SLIT2: variants seen among roughly 807,000 people sequenced by gnomAD.
SLIT2 encodes the protein slit homolog 2 protein.
In SLIT2, 41 loss-of-function variants were observed where a neutral mutation model predicts 185.7. That is an observed-to-expected ratio of 0.22 (90% confidence interval 0.17 to 0.29). The LOEUF (loss-of-function observed/expected upper bound fraction) is 0.29, where lower values mean the gene tolerates loss of function less well. Ranked by LOEUF, SLIT2 falls within the 10% of genes least tolerant of loss-of-function variation. The pLI, the probability that SLIT2 is intolerant of heterozygous loss-of-function variation, is 1.00. For synonymous variants in SLIT2, 693 were observed against 680.2 expected (o/e 1.02, Z -0.29); for missense variants, 1,571 against 1,909.0 (o/e 0.82, Z 3.30).
intron 15 of SLIT2, among the ~76,000 whole-genome samples, chr4:20,526,657 T>G (rs1721322862): frequency 6.6e-6 from 1 of 152,214 alleles, no homozygotes; most frequent in Non-Finnish European, 1.5e-5. Context: ...AGTTTTTCCC[T>G]GTTACTGACA....
intron 4 of SLIT2, among the ~76,000 whole-genome samples, chr4:20,331,323 T>C (rs1399246764): frequency 6.6e-6 from 1 of 152,110 alleles, no homozygotes; most frequent in Non-Finnish European, 1.5e-5. Flanking sequence ...CAATTATTGC[T>C]ATGAAGTGAT....
intron 25 of SLIT2, chr4:20,552,366 T>C (rs1413228296): frequency 7.3e-5 from 4 of 55,112 alleles, no homozygotes; most frequent in African/African-American, 3.9e-4. Flanking sequence ...TTGCATTTCT[T>C]TTTTTTTTTT....
intron 4 of SLIT2, among the ~76,000 whole-genome samples, chr4:20,457,111 A>G (rs1483888317): frequency 1.3e-5 from 2 of 152,106 alleles, no homozygotes; most frequent in African/African-American, 4.8e-5. Context: ...TGTAATGTCC[A>G]TAAGTATAAT....
chr4:20,617,173 A>G lies in SLIT2; in HGVS notation c.4111A>G (p.Thr1371Ala), dbSNP rs1237227591. ...GWMGPLCDQR[T>A]NDPCLGNKCV... ...GATGGGGCCCCTCTGTGACCAACGG[A>G]CCAATGACCCTTGCCTTGGAAATAA... Residue 1371 changes from threonine (T) to alanine (A), a missense_variant, in exon 35 of 37, where the codon ACC (threonine) becomes GCC (alanine). Physicochemically the swap from Thr to Ala is moderately conservative, Grantham distance 58 (BLOSUM62 0). Transcript: ENST00000504154. 6.3e-7 allele frequency: 1 copy of G among 1,594,924 alleles called. No individual in the cohort carries two copies. The highest frequency in any genetic ancestry group is 8.6e-7 in the Non-Finnish European group (1 of 1,166,386).
At chr4:20,524,800 G>A (rs1298554711) in intron 14 of SLIT2, among the ~76,000 whole-genome samples, 1 of 151,288 alleles carries the variant, frequency 6.6e-6, no homozygotes, top group Non-Finnish European at 1.5e-5. Flanking sequence ...TAAATGAAAG[G>A]CTGCCATCAT....
intron 4 of SLIT2, among the ~76,000 whole-genome samples, chr4:20,430,354 G>A (rs1401483316): frequency 6.6e-6 from 1 of 152,094 alleles, no homozygotes; most frequent in Non-Finnish European, 1.5e-5. Context: ...AGATGCTGCT[G>A]GGACATTTAC....
chr4:20,280,833 G>GTTGTTTTTTTT (rs756763339), intron 4 of SLIT2, among the ~76,000 whole-genome samples: 35 of 130,632 alleles, frequency 2.7e-4, no homozygotes, highest in African/African-American at 9.7e-4. Context: ...TTAAAAAAAT[G>GTTGTTTTTTTT]TTTTTTTTTT....
intron 4 of SLIT2, among the ~76,000 whole-genome samples, chr4:20,292,078 G>A (rs1322121334): frequency 6.6e-6 from 1 of 152,122 alleles, no homozygotes; most frequent in Non-Finnish European, 1.5e-5. Flanking sequence ...CCATTTTAGG[G>A]AAAGCAGATA....
intron 33 of SLIT2, among the ~76,000 whole-genome samples, chr4:20,605,591 A>G (rs1434712436): frequency 6.6e-6 from 1 of 152,202 alleles, no homozygotes; most frequent in Non-Finnish European, 1.5e-5. Context: ...GATGCCATGC[A>G]TTACATGTGG....
At chr4:20,512,875 C>G (rs1719880861) in intron 11 of SLIT2, among the ~76,000 whole-genome samples, 1 of 152,064 alleles carries the variant, frequency 6.6e-6, no homozygotes, top group Non-Finnish European at 1.5e-5. Context: ...ATTGACACTT[C>G]TGTGGTTGTG....
chr4:20,421,811 T>C (rs569661473), intron 4 of SLIT2, among the ~76,000 whole-genome samples: 1 of 152,312 alleles, frequency 6.6e-6, no homozygotes, highest in South Asian at 2.1e-4. Context: ...CGGAATGTTT[T>C]CTTTGCCTCC....
chr4:20,409,585 C>T (rs1727043400), intron 4 of SLIT2, among the ~76,000 whole-genome samples: 1 of 152,014 alleles, frequency 6.6e-6, no homozygotes, highest in East Asian at 1.9e-4. Flanking sequence ...GACTATATAC[C>T]CAGTCATGGG....
At chr4:20,391,372 G>A (rs1725399048) in intron 4 of SLIT2, among the ~76,000 whole-genome samples, 1 of 151,900 alleles carries the variant, frequency 6.6e-6, no homozygotes, top group African/African-American at 2.4e-5. Flanking sequence ...AAATACACAC[G>A]AACAGAAACC....
chr4:20,538,308 T>C lies in SLIT2; in HGVS notation c.1833-1133T>C, dbSNP rs191198183. On this transcript the variant is annotated intron_variant, in intron 18 of 36. Coordinates refer to ENST00000504154, the MANE Select transcript of SLIT2 (RefSeq NM_004787.4). ...CCAGGGGCATGTGACTCCAGCAAGATTAAGACCCAGTGCTCTTCATCATTT... is the reference window on the plus strand; with the variant it reads ...CCAGGGGCATGTGACTCCAGCAAGACTAAGACCCAGTGCTCTTCATCATTT... 1.3e-3 allele frequency among the ~76,000 whole-genome samples: 205 copies of C among 152,294 alleles called. 2 individuals are homozygous for C. Among genetic ancestry groups the C allele is most frequent in the African/African-American group, 4.6e-3 (193 of 41,566 alleles).
At chr4:20,527,347 A>G (rs147805227) in intron 15 of SLIT2, among the ~76,000 whole-genome samples, 2,021 of 151,738 alleles carry the variant, frequency 0.013, 45 homozygotes, top group African/African-American at 0.046. Flanking sequence ...GTGCAGTGGC[A>G]TGATCTCGGC....
At chr4:20,571,977 A>G (rs1725648496) in intron 29 of SLIT2, among the ~76,000 whole-genome samples, 4 of 152,230 alleles carry the variant, frequency 2.6e-5, no homozygotes, top group Admixed American at 2.6e-4. Context: ...TTATGATGTG[A>G]TGAACAGACT....
At chr4:20,457,048 A>G (rs1016004102) in intron 4 of SLIT2, among the ~76,000 whole-genome samples, 3 of 152,126 alleles carry the variant, frequency 2.0e-5, no homozygotes, top group Admixed American at 1.3e-4. Flanking sequence ...TTCATATAAT[A>G]TTCCCTAAGA....
chr4:20,408,881 T>C (rs1726978145), intron 4 of SLIT2, among the ~76,000 whole-genome samples: 1 of 152,178 alleles, frequency 6.6e-6, no homozygotes, highest in Non-Finnish European at 1.5e-5. Flanking sequence ...TCCTAGACAA[T>C]ATGTAAATGG....
Position 20,425,843 on chromosome 4 carries a change from C to T in SLIT2, c.396-41909C>T, listed in dbSNP as rs16869585. 7.0e-3 allele frequency among the ~76,000 whole-genome samples: 1,062 copies of T among 152,254 alleles called. 22 individuals carry two copies. Among genetic ancestry groups the T allele is most frequent in the African/African-American group, 0.024 (1,004 of 41,560 alleles). ...AGAAAACTCAAGTGTAGCATTATTT[C>T]CAGCTGCTGCAGATTCCATGCTTTT... On this transcript the variant is annotated intron_variant, in intron 4 of 36. Transcript: ENST00000504154.
Sources: allele counts gnomAD v4.1 joint callset (sites outside exome capture counted in the v4.1 genomes callset), GRCh38; gene constraint gnomAD v4.1.1; transcripts MANE v1.5; gene names NCBI Gene and HGNC (gene_info 2026-07-23, HGNC 2026-07-21).